Variants in CFAP46 observed in about 807,000 individuals in gnomAD.
The protein encoded by CFAP46 is cilia- and flagella-associated protein 46.
In CFAP46, 245 loss-of-function variants were observed where a neutral mutation model predicts 325.7. That is an observed-to-expected ratio of 0.75 (90% CI 0.68 to 0.84). The LOEUF (loss-of-function observed/expected upper bound fraction) is 0.84. Among genes scored for constraint, CFAP46 ranks in the 40% least tolerant of loss-of-function variants. CFAP46 has a pLI of 0.00. For missense variants in CFAP46, 3,346 were observed against 3,543.0 expected, an observed-to-expected ratio of 0.94 and a Z score of 1.41; for synonymous variants, 1,523 against 1,495.9, an observed-to-expected ratio of 1.02 and a Z score of -0.42.
chr10:132,936,201 A>T (rs1391449449), intron 7 of CFAP46, among the ~76,000 whole-genome samples: 1 of 101,058 alleles, frequency 9.9e-6, no homozygotes, highest in Non-Finnish European at 1.9e-5. Flanking sequence ...CCCCAAACAC[A>T]CTGTGATCTC....
intron 15 of CFAP46, among the ~76,000 whole-genome samples, chr10:132,918,906 T>C (rs920211709): frequency 3.9e-5 from 6 of 152,334 alleles, no homozygotes; most frequent in African/African-American, 7.2e-5. Flanking sequence ...CGGGTCCTGA[T>C]TGTCCCTGAG....
Position 132,859,102 on chromosome 10 carries a change from C to CA in CFAP46, c.5343dup (p.Asp1782Ter). On this transcript the variant is annotated frameshift_variant, in exon 38 of 58. Transcript: ENST00000368586. LOFTEE classifies it high-confidence loss of function. ...ATCTTCGCACGCTCTAGTTTTACGT[C>CA]AACACAATTCTCTTTGCAGCCACAG... 6.4e-7 allele frequency: 1 copy of CA among 1,550,912 alleles called. No homozygotes were observed. The highest frequency in any genetic ancestry group is 1.2e-5 in the South Asian group (1 of 84,056).
In CFAP46 at chr10:132,866,069, G is replaced by C. The variant is rs1205043316; in HGVS notation, c.4846C>G (p.Gln1616Glu). 18 of 1,545,794 alleles carry C rather than the reference G, an allele frequency of 1.2e-5. No homozygotes were observed. The highest frequency in any genetic ancestry group is 1.4e-5 in the African/African-American group (1 of 72,906). The change falls in exon 35 of 58, where the codon CAG (glutamine) becomes GAG (glutamate). Residue 1616 changes from glutamine to glutamate, a missense_variant. Physicochemically the swap from Gln to Glu is conservative, Grantham distance 29. Transcript: ENST00000368586. ...TCCGACAGGAGCAGCCGTGCAGGCT[G>C]GTACAGGTTCATCTCCAGCAGAACT... ...AEVLLEMNLY[Q>E]PARLLLSEAY...
chr10:132,851,058 A>G, intron 40 of CFAP46, 59 bp downstream of exon 40: 1 of 1,596,962 alleles, frequency 6.3e-7, no homozygotes, highest in Non-Finnish European at 8.6e-7. Flanking sequence ...CGGGGGTCCC[A>G]TCAGCTGCAC....
At chr10:132,910,901 G>A (rs1234787425) in intron 19 of CFAP46, among the ~76,000 whole-genome samples, 10 of 152,276 alleles carry the variant, frequency 6.6e-5, no homozygotes, top group Middle Eastern at 3.4e-3. Flanking sequence ...CTGACTCCCC[G>A]TGCGGTTGTG....
rs564859781 is a variant in CFAP46 at position 132,832,555 on chromosome 10, C to T, written c.7117+803G>A. ...GTGCTTTTCTCTGGTTTTTATTTGTCTCAGCTGGAAGAACGAATCTGGTCC... is the reference window on the plus strand; with the variant it reads ...GTGCTTTTCTCTGGTTTTTATTTGTTTCAGCTGGAAGAACGAATCTGGTCC... On this transcript the variant is annotated intron_variant, in intron 50 of 57. Coordinates refer to ENST00000368586, the MANE Select transcript of CFAP46 (RefSeq NM_001200049.3). This position sits in a 1 kb window ranked among gnomAD's most constrained non-coding sequence, Gnocchi z 4.1. 4 of 331,662 alleles carry T rather than the reference C, an allele frequency of 1.2e-5. No homozygotes were observed. The highest frequency in any genetic ancestry group is 8.7e-5 in the African/African-American group (4 of 46,000). The allele number at this position is 331,662 out of a possible 1,614,324, so 20.5% of individuals were successfully genotyped here.
intron 44 of CFAP46, among the ~76,000 whole-genome samples, chr10:132,841,439 C>T (rs1848344357): frequency 1.3e-5 from 2 of 152,244 alleles, no homozygotes; most frequent in South Asian, 4.1e-4. Flanking sequence ...TTGCTGGGTG[C>T]AGCCCACATG....
At position 132,892,333 on chromosome 10, in the gene CFAP46, C is replaced by G; in HGVS notation, c.3304G>C (p.Gly1102Arg). The G allele has an allele frequency of 6.4e-7, 1 of 1,550,834 alleles. No homozygotes were observed. The highest frequency in any genetic ancestry group is 8.7e-7 in the Non-Finnish European group (1 of 1,147,026). Residue 1102 changes from glycine to arginine, a missense_variant and splice_region_variant, in exon 25 of 58, where the codon GGG (glycine) becomes CGG (arginine). Physicochemically the swap from Gly to Arg is moderately radical, Grantham distance 125 (BLOSUM62 -2). Transcript: ENST00000368586. The part of the protein sequence containing the change: ...GGTTEGYFLP[G>R]AEDDLALRAA... ...TGGGTCTGTCTGTCCTGCTACAAAC[C>G]TGGAAGAAAATATCCTTCGGTCGTC...
chr10:132,888,215 T>C (rs940187772), intron 25 of CFAP46, among the ~76,000 whole-genome samples: 2 of 151,612 alleles, frequency 1.3e-5, no homozygotes, highest in African/African-American at 4.9e-5. Context: ...CTCCACCCCG[T>C]CTAATGGTAG....
chr10:132,828,911 C>T lies in CFAP46; in HGVS notation c.7117+4447G>A, dbSNP rs994738405. ...CACCTGTGGCGTGCTTCTGGTTCCC[C>T]GCCCCATCCCCTGGGTCTACACGGC... On this transcript the variant is annotated intron_variant, in intron 50 of 57. Coordinates refer to ENST00000368586, the MANE Select transcript of CFAP46 (RefSeq NM_001200049.3). The surrounding 1 kb of genome is among the most constrained non-coding windows in gnomAD (Gnocchi z 4.9). 8.5e-5 allele frequency among the ~76,000 whole-genome samples: 13 copies of T among 152,202 alleles called. No homozygotes were observed. Among genetic ancestry groups the T allele is most frequent in the African/African-American group, 2.4e-4 (10 of 41,498 alleles).
In CFAP46 at chr10:132,919,967, A is replaced by G; in HGVS notation, c.1730+92T>C. ...GGCGAGTCCCCAGACGGCCACATGC[A>G]GGGTCAGCTCAGCCGCCACAGACAC... On this transcript the variant is annotated intron_variant, in intron 14 of 57. Coordinates refer to ENST00000368586, the MANE Select transcript of CFAP46 (RefSeq NM_001200049.3). The surrounding 1 kb of genome is among the most constrained non-coding windows in gnomAD (Gnocchi z 9.7). 7.1e-7 allele frequency: 1 copy of G among 1,402,026 alleles called. No individual in the cohort carries two copies. The highest frequency in any genetic ancestry group is 9.3e-7 in the Non-Finnish European group (1 of 1,075,626). The allele number at this position is 1,402,026 out of a possible 1,614,324, so 86.8% of individuals were successfully genotyped here.
intron 44 of CFAP46, among the ~76,000 whole-genome samples, chr10:132,841,695 G>A (rs944387638): frequency 4.6e-5 from 7 of 152,178 alleles, no homozygotes; most frequent in Non-Finnish European, 8.8e-5. Flanking sequence ...TCAGTGCCAC[G>A]TGGCCGTGGC....
Position 132,879,647 on chromosome 10 carries a change from C to A in CFAP46, c.3800-16G>T. On this transcript the variant is annotated splice_polypyrimidine_tract_variant and intron_variant, in intron 28 of 57. Coordinates refer to ENST00000368586, the MANE Select transcript of CFAP46 (RefSeq NM_001200049.3). ...ACGTACTCCCCTGAAACACGGGGTG[C>A]CCGAGGCTGAGAGCAGGCCCGGCTA... The A allele has an allele frequency of 6.7e-7, 1 of 1,492,752 alleles. No individual in the cohort carries two copies. Among genetic ancestry groups the A allele is most frequent in the Non-Finnish European group, 8.9e-7 (1 of 1,119,676 alleles). 92.5% of individuals were successfully genotyped at this position (1,492,752 alleles called of 1,614,324 possible).
In CFAP46 at chr10:132,866,686, C is replaced by T. The variant is rs1848817604; in HGVS notation, c.4744-515G>A. On this transcript the variant is annotated intron_variant, in intron 34 of 57. Coordinates refer to ENST00000368586, the MANE Select transcript of CFAP46 (RefSeq NM_001200049.3). The stretch of plus-strand genomic sequence containing the variant: ...CCCCCGGCCTGGGGCGGTGGCTGAG[C>T]CCCGCACTGCTGTGTTCTGGATCCA... Among the ~76,000 whole-genome samples, 4 of 152,190 alleles carry T rather than the reference C, an allele frequency of 2.6e-5. No homozygotes were observed. The South Asian group carries it at 6.2e-4, about 24-fold the overall frequency.
At chr10:132,868,242 C>T (rs867497713) in intron 33 of CFAP46, among the ~76,000 whole-genome samples, 2 of 152,308 alleles carry the variant, frequency 1.3e-5, no homozygotes, top group East Asian at 1.9e-4. Context: ...CACCCCACAT[C>T]GCGTTGGCCT....
In CFAP46 at chr10:132,838,530, C is replaced by T. The variant is rs560442225; in HGVS notation, c.6439-1616G>A. Among the ~76,000 whole-genome samples the T allele has an allele frequency of 3.9e-5, 6 of 152,398 alleles. No individual in the cohort carries two copies. In the East Asian group the frequency reaches 1.2e-3, roughly 29 times the overall value. ...GCTCAGGTGGGCTTTTCTGCCGGGC[C>T]TCTGGCTTGCGCCGTGGGCTTCACC... On this transcript the variant is annotated intron_variant, in intron 44 of 57. Transcript: ENST00000368586.
chr10:132,912,597 C>CCTCT, intron 19 of CFAP46, 58 bp downstream of exon 19: 1 of 1,281,434 alleles, frequency 7.8e-7, no homozygotes, highest in Non-Finnish European at 1.0e-6. Context: ...CTCTCTCTCT[C>CCTCT]CTCTCTCCTC....
At chr10:132,905,490 G>C (rs1398123448) in intron 22 of CFAP46, among the ~76,000 whole-genome samples, 2 of 142,158 alleles carry the variant, frequency 1.4e-5, no homozygotes, top group East Asian at 3.9e-4. Context: ...TGTTTTTCTG[G>C]ATCATATCCT....
intron 57 of CFAP46, among the ~76,000 whole-genome samples, chr10:132,809,438 G>C (rs892543194): frequency 6.6e-6 from 1 of 152,226 alleles, no homozygotes; most frequent in African/African-American, 2.4e-5. Context: ...GCATTTGCAG[G>C]GATGAGTGTG....
Sources: gnomAD v4.1 joint callset for allele counts (sites outside exome capture counted in the v4.1 genomes callset) on GRCh38, gnomAD v4.1.1 for gene constraint, Gnocchi (gnomAD v3.1) non-coding constraint, MANE v1.5 for transcripts, NCBI Gene and HGNC (gene_info 2026-07-23, HGNC 2026-07-21) for gene names.